MARCHF10: variants seen among roughly 807,000 people sequenced by gnomAD.
MARCHF10 encodes the protein membrane associated ring-CH-type finger 10, also known as probable E3 ubiquitin-protein ligase MARCHF10.
Under a neutral mutation model 76.2 loss-of-function variants are expected in MARCHF10, and 64 were observed. The observed-to-expected ratio is 0.84, with a 90% CI of 0.69 to 1.03. The LOEUF (loss-of-function observed/expected upper bound fraction) is 1.03, where lower values mean the gene tolerates loss of function less well. Ranked by LOEUF, MARCHF10 falls within the 50% of genes least tolerant of loss-of-function variation. MARCHF10 has a pLI of 0.00. For missense variants in MARCHF10, 875 were observed against 958.0 expected (o/e 0.91, Z 1.14); for synonymous variants, 340 against 357.5 (o/e 0.95, Z 0.55).
intron 1 of MARCHF10, among the ~76,000 whole-genome samples, chr17:62,803,584 A>G (rs1477675467): frequency 1.3e-5 from 2 of 152,056 alleles, no homozygotes; most frequent in African/African-American, 4.8e-5. Context: ...CCGTGGGGCT[A>G]TCTCGGCTCA....
chr17:62,737,388 G>C, intron 5 of MARCHF10, 56 bp from the exon 6 acceptor site: 1 of 1,536,408 alleles, frequency 6.5e-7, no homozygotes, highest in Non-Finnish European at 8.8e-7. Context: ...TGGATGAAAG[G>C]CCTCTAGCAC....
chr17:62,761,156 TA>T (rs1202559750), intron 3 of MARCHF10, among the ~76,000 whole-genome samples: 1 of 152,202 alleles, frequency 6.6e-6, no homozygotes, highest in Non-Finnish European at 1.5e-5. Flanking sequence ...GAAGTCTACA[TA>T]AATCTACAGG....
At chr17:62,752,880 C>G (rs2091936392) in intron 4 of MARCHF10, among the ~76,000 whole-genome samples, 1 of 152,168 alleles carries the variant, frequency 6.6e-6, no homozygotes, top group East Asian at 1.9e-4. Flanking sequence ...CCCTCACACT[C>G]TCAGCTGGCC....
intron 5 of MARCHF10, among the ~76,000 whole-genome samples, chr17:62,742,346 TTG>T (rs1436630135): frequency 4.6e-5 from 7 of 152,180 alleles, no homozygotes; most frequent in African/African-American, 1.7e-4. Context: ...TATTAGGTAT[TTG>T]TGTTTTTCTT....
At chr17:62,764,854 T>TA (rs1326495100) in intron 3 of MARCHF10, among the ~76,000 whole-genome samples, 1 of 152,242 alleles carries the variant, frequency 6.6e-6, no homozygotes, top group Non-Finnish European at 1.5e-5. Context: ...AAGACAATTT[T>TA]GAGTGTGCCA....
At chr17:62,799,312 A>G (rs1389989891) in intron 2 of MARCHF10, among the ~76,000 whole-genome samples, 1 of 152,152 alleles carries the variant, frequency 6.6e-6, no homozygotes, top group East Asian at 1.9e-4. Context: ...TTTCTATCAT[A>G]GTTTCCTTAC....
At chr17:62,709,108 G>A (rs994951208) in intron 9 of MARCHF10, among the ~76,000 whole-genome samples, 6 of 152,172 alleles carry the variant, frequency 3.9e-5, no homozygotes, top group Non-Finnish European at 7.3e-5. Context: ...GCGTCTAGTA[G>A]CTTCTTTCCC....
chr17:62,801,518 A>T, intron 2 of MARCHF10, 128 bp downstream of exon 2: 2 of 628,608 alleles, frequency 3.2e-6, no homozygotes, highest in Non-Finnish European at 5.5e-6. Context: ...TTTGCTAGTT[A>T]CATACCTAAT....
intron 4 of MARCHF10, among the ~76,000 whole-genome samples, chr17:62,755,420 G>A (rs2092012321): frequency 6.6e-6 from 1 of 152,214 alleles, no homozygotes; most frequent in South Asian, 2.1e-4. Flanking sequence ...CCAACTCAGG[G>A]TGGGGCTGGG....
At chr17:62,788,682 G>A in intron 2 of MARCHF10, 83 bp from the exon 3 acceptor site, 1 of 1,563,698 alleles carries the variant, frequency 6.4e-7, no homozygotes, top group Non-Finnish European at 8.7e-7. Context: ...ATGGTGAGGA[G>A]CATGAAATAA....
intron 3 of MARCHF10, among the ~76,000 whole-genome samples, chr17:62,769,620 G>A (rs544307297): frequency 4.1e-4 from 63 of 152,168 alleles, no homozygotes; most frequent in Non-Finnish European, 9.0e-4. Context: ...CACCATGTTG[G>A]GCAGGCTGGT....
At chr17:62,793,158 CACCACCACCACCTCCATCACT>C (rs1568219257) in intron 2 of MARCHF10, among the ~76,000 whole-genome samples, 5 of 140,960 alleles carry the variant, frequency 3.5e-5, no homozygotes, top group Admixed American at 6.9e-5. Flanking sequence ...CCACCACCAT[CACCACCACCACCTCCATCACT>C]ACCACCACCA....
intron 4 of MARCHF10, among the ~76,000 whole-genome samples, chr17:62,756,393 C>A (rs1359143862): frequency 6.6e-6 from 1 of 152,172 alleles, no homozygotes; most frequent in African/African-American, 2.4e-5. Flanking sequence ...TTGCAGTGAC[C>A]TATGATTGCA....
At chr17:62,742,205 A>G (rs1376191179) in intron 5 of MARCHF10, among the ~76,000 whole-genome samples, 1 of 151,626 alleles carries the variant, frequency 6.6e-6, no homozygotes, top group Admixed American at 6.6e-5. Flanking sequence ...TTTTCTGTAG[A>G]GACAGGGTTT....
intron 3 of MARCHF10, among the ~76,000 whole-genome samples, chr17:62,786,115 A>G (rs2092741534): frequency 6.6e-6 from 1 of 152,194 alleles, no homozygotes; most frequent in Non-Finnish European, 1.5e-5. Context: ...CACAATAGCA[A>G]AGACTTGGAA....
chr17:62,794,008 C>A (rs1598060974), intron 2 of MARCHF10, among the ~76,000 whole-genome samples: 1 of 151,246 alleles, frequency 6.6e-6, no homozygotes, highest in African/African-American at 2.4e-5. Flanking sequence ...CCATCATGAC[C>A]ACCATCACCA....
chr17:62,790,382 G>T (rs2092822151), intron 2 of MARCHF10, among the ~76,000 whole-genome samples: 1 of 152,122 alleles, frequency 6.6e-6, no homozygotes, highest in Admixed American at 6.5e-5. Context: ...TGCCATGTTG[G>T]CCAGGCTGGT....
At chr17:62,751,287 G>GTT (rs1599222162) in intron 4 of MARCHF10, among the ~76,000 whole-genome samples, 2 of 152,138 alleles carry the variant, frequency 1.3e-5, no homozygotes, top group South Asian at 2.1e-4. Flanking sequence ...CCCGGAACCT[G>GTT]TTTCCTCACC....
Position 62,737,234 on chromosome 17 carries a change from C to T in MARCHF10, c.634G>A (p.Glu212Lys), listed in dbSNP as rs1407310089. The T allele has an allele frequency of 1.2e-6, 2 of 1,613,914 alleles. No individual in the cohort carries two copies. The highest frequency in any genetic ancestry group is 2.7e-5 in the African/African-American group (2 of 74,874). The change falls in exon 6 of 11, where the codon GAG becomes AAG. Residue 212 changes from glutamate (E) to lysine (K), a missense_variant. Coordinates refer to ENST00000311269, the MANE Select transcript of MARCHF10 (RefSeq NM_152598.4). Reference protein sequence around the residue: ...NLVPSSQPMTENAPDRAKKGD... With the variant: ...NLVPSSQPMTKNAPDRAKKGD... ...TTTTTGGCTCTATCAGGGGCGTTCT[C>T]AGTCATTGGCTGTGACGATGGGACC... is the stretch of plus-strand genomic sequence containing the variant.
Sources: gnomAD v4.1 joint callset for allele counts (sites outside exome capture counted in the v4.1 genomes callset) on GRCh38, gnomAD v4.1.1 for gene constraint, MANE v1.5 for transcripts, NCBI Gene and HGNC (gene_info 2026-07-23, HGNC 2026-07-21) for gene names.